GRID2: variants seen among roughly 807,000 people sequenced by gnomAD.
GRID2 encodes glutamate ionotropic receptor delta type subunit 2, also known as glutamate receptor ionotropic, delta-2.
A neutral mutation model predicts 114.8 loss-of-function variants in GRID2; 33 were observed. The ratio of observed to expected loss-of-function variants is 0.29; its 90% CI spans 0.22 to 0.38. GRID2 has a LOEUF of 0.38. Ranked by LOEUF, GRID2 falls within the 10% of genes least tolerant of loss-of-function variation. The pLI, the probability that GRID2 is intolerant of heterozygous loss-of-function variation, is 1.00. For synonymous variants in GRID2, 505 were observed against 449.9 expected, an observed-to-expected ratio of 1.12 and a Z score of -1.55; for missense variants, 1,184 against 1,257.7, an observed-to-expected ratio of 0.94 and a Z score of 0.89.
chr4:93,077,348 A>T (rs1729428627), intron 2 of GRID2, among the ~76,000 whole-genome samples: 1 of 152,174 alleles, frequency 6.6e-6, no homozygotes, highest in Admixed American at 6.5e-5. Flanking sequence ...TTATTTTGTC[A>T]TTCTCTATCT....
At chr4:92,427,454 CTTG>C (rs1227609553) in intron 1 of GRID2, among the ~76,000 whole-genome samples, 11 of 152,180 alleles carry the variant, frequency 7.2e-5, no homozygotes, top group East Asian at 3.9e-4. Context: ...AAACTGTTTT[CTTG>C]TTGTTAAATG....
chr4:92,918,003 T>C (rs1748958181), intron 2 of GRID2, among the ~76,000 whole-genome samples: 1 of 152,220 alleles, frequency 6.6e-6, no homozygotes, highest in Non-Finnish European at 1.5e-5. Context: ...TTCTTCCATT[T>C]GTTTGTATCC....
chr4:92,589,523 A>T (rs1190641271), intron 1 of GRID2, among the ~76,000 whole-genome samples: 1 of 152,248 alleles, frequency 6.6e-6, no homozygotes, highest in Admixed American at 6.5e-5. Context: ...TGCTATAATT[A>T]TCCATTAGGA....
chr4:92,574,088 G>T (rs1029300079), intron 1 of GRID2, among the ~76,000 whole-genome samples: 4 of 151,948 alleles, frequency 2.6e-5, no homozygotes, highest in Non-Finnish European at 4.4e-5. Flanking sequence ...GTTCTTTGTT[G>T]GTTTAAAGTC....
chr4:92,996,111 G>A (rs1488061304), intron 2 of GRID2, among the ~76,000 whole-genome samples: 2 of 151,808 alleles, frequency 1.3e-5, no homozygotes, highest in Non-Finnish European at 2.9e-5. Flanking sequence ...CCAATGTGGT[G>A]AAACCCTGTC....
chr4:93,250,865 A>C (rs1189373593), intron 8 of GRID2, among the ~76,000 whole-genome samples: 1 of 151,544 alleles, frequency 6.6e-6, no homozygotes, highest in Non-Finnish European at 1.5e-5. Context: ...CCTTCATTTT[A>C]AAAAGTATAA....
chr4:93,781,804 A>G (rs1046523958), intron 1 of GRID2, among the ~76,000 whole-genome samples: 1 of 152,134 alleles, frequency 6.6e-6, no homozygotes, highest in African/African-American at 2.4e-5. Context: ...GTTTTTCTGA[A>G]TATTTTCAAT....
intron 2 of GRID2, among the ~76,000 whole-genome samples, chr4:92,782,039 A>G (rs556416343): frequency 8.5e-5 from 13 of 152,066 alleles, no homozygotes; most frequent in Non-Finnish European, 1.6e-4. Context: ...GAGGCTTCAT[A>G]AGAGTTTTCT....
intron 1 of GRID2, among the ~76,000 whole-genome samples, chr4:92,380,281 A>G (rs535929481): frequency 1.7e-4 from 26 of 151,904 alleles, no homozygotes; most frequent in African/African-American, 6.3e-4. Flanking sequence ...TTTGAAACAT[A>G]CCATTTCTAT....
intron 10 of GRID2, among the ~76,000 whole-genome samples, chr4:93,444,744 G>A (rs1389409165): frequency 1.1e-4 from 16 of 151,968 alleles, no homozygotes; most frequent in Non-Finnish European, 2.4e-4. Flanking sequence ...ATTCTGTGCA[G>A]TATTTAGAAA....
chr4:93,418,829 A>C (rs1375993287), intron 9 of GRID2, among the ~76,000 whole-genome samples: 2 of 152,046 alleles, frequency 1.3e-5, no homozygotes, highest in East Asian at 3.9e-4. Flanking sequence ...CTCTGTCAGG[A>C]ATCTGGAGCC....
At chr4:93,462,191 C>G (rs533437267) in intron 11 of GRID2, among the ~76,000 whole-genome samples, 8 of 152,152 alleles carry the variant, frequency 5.3e-5, no homozygotes, top group African/African-American at 1.9e-4. Context: ...AAATATTTCA[C>G]GAGTATACTA....
chr4:93,302,588 CTTCATT>C (rs949031636), intron 8 of GRID2: 32 of 456,168 alleles, frequency 7.0e-5, no homozygotes, highest in African/African-American at 5.8e-4. Context: ...TACAGGTAAA[CTTCATT>C]TTCAAGTAAT....
At chr4:92,726,681 G>A (rs1736083837) in intron 2 of GRID2, among the ~76,000 whole-genome samples, 1 of 152,100 alleles carries the variant, frequency 6.6e-6, no homozygotes, top group African/African-American at 2.4e-5. Context: ...GTGAAAACAA[G>A]CAGATTGAGT....
intron 13 of GRID2, among the ~76,000 whole-genome samples, chr4:93,556,059 T>C (rs2149552689): frequency 6.6e-6 from 1 of 152,190 alleles, no homozygotes; most frequent in Non-Finnish European, 1.5e-5. Context: ...AAGAATAGCA[T>C]CAACATCAAC....
intron 10 of GRID2, among the ~76,000 whole-genome samples, chr4:93,450,145 G>C (rs1722539247): frequency 6.6e-6 from 1 of 151,860 alleles, no homozygotes; most frequent in South Asian, 2.1e-4. Context: ...TATTTAGACT[G>C]TGTTCACAGG....
chr4:93,440,940 A>G (rs2149391896), intron 10 of GRID2, among the ~76,000 whole-genome samples: 1 of 152,222 alleles, frequency 6.6e-6, no homozygotes, highest in African/African-American at 2.4e-5. Context: ...ACAGAGAGTG[A>G]ACATTTGCCA....
intron 2 of GRID2, among the ~76,000 whole-genome samples, chr4:92,792,937 G>T (rs1049266712): frequency 4.2e-5 from 6 of 141,818 alleles, no homozygotes; most frequent in South Asian, 4.5e-4. Flanking sequence ...TAAAGCTTCT[G>T]GACATAAATA....
intron 2 of GRID2, among the ~76,000 whole-genome samples, chr4:92,715,907 G>C (rs1735520909): frequency 6.6e-6 from 1 of 152,152 alleles, no homozygotes; most frequent in African/African-American, 2.4e-5. Flanking sequence ...TACTGATATG[G>C]AGTGGATATT....
Sources: allele counts gnomAD v4.1 joint callset (sites outside exome capture counted in the v4.1 genomes callset), GRCh38; gene constraint gnomAD v4.1.1; transcripts MANE v1.5; gene names NCBI Gene and HGNC (gene_info 2026-07-23, HGNC 2026-07-21).